The following FRMD3 variants were observed in gnomAD, a reference collection of about 807,000 sequenced individuals.
FRMD3 encodes the protein FERM domain-containing protein 3.
A neutral mutation model predicts 70.2 loss-of-function variants in FRMD3; 33 were observed. That is an observed-to-expected ratio of 0.47 (90% CI 0.36 to 0.63). The LOEUF (loss-of-function observed/expected upper bound fraction) is 0.63. Among genes scored for constraint, FRMD3 ranks in the 20% least tolerant of loss-of-function variants. The pLI, the probability that FRMD3 is intolerant of heterozygous loss-of-function variation, is 0.00. For synonymous variants in FRMD3, 279 were observed against 255.9 expected, an observed-to-expected ratio of 1.09 and a Z score of -0.86; for missense variants, 632 against 711.4, an observed-to-expected ratio of 0.89 and a Z score of 1.27.
chr9:83,264,811 G>T (rs1587644342), intron 13 of FRMD3, among the ~76,000 whole-genome samples: 1 of 151,234 alleles, frequency 6.6e-6, no homozygotes, highest in Non-Finnish European at 1.5e-5. Context: ...CAATTGTGGG[G>T]GGAGGGGGGA....
chr9:83,565,068 T>G, the FRMD3 span, among the ~76,000 whole-genome samples: 1 of 152,208 alleles, frequency 6.6e-6, no homozygotes, highest in South Asian at 2.1e-4. Flanking sequence ...ATGAAAACAC[T>G]GTGGGGACTC....
intron 10 of FRMD3, among the ~76,000 whole-genome samples, chr9:83,303,700 C>CT (rs1206736459): frequency 1.3e-5 from 2 of 152,206 alleles, no homozygotes; most frequent in African/African-American, 4.8e-5. Flanking sequence ...AAAATAACAG[C>CT]TTTGTCGAGA....
At chr9:83,476,758 T>C (rs1828408636) in intron 1 of FRMD3, among the ~76,000 whole-genome samples, 1 of 152,218 alleles carries the variant, frequency 6.6e-6, no homozygotes, top group African/African-American at 2.4e-5. Context: ...ATGGGTCTCC[T>C]GGGGCTTTCT....
intron 13 of FRMD3, among the ~76,000 whole-genome samples, chr9:83,254,342 A>T (rs530226244): frequency 2.7e-5 from 4 of 150,852 alleles, no homozygotes; most frequent in Non-Finnish European, 4.4e-5. Flanking sequence ...TTAATATTTT[A>T]AAAATATTTC....
downstream of FRMD3, among the ~76,000 whole-genome samples, chr9:83,244,470 T>TTAATC (rs901336780): frequency 8.6e-5 from 13 of 151,280 alleles, no homozygotes; most frequent in African/African-American, 2.9e-4. Context: ...CTGCAAAGGG[T>TTAATC]TAATCTAATC....
At chr9:83,325,232 G>C (rs1206072325) in intron 6 of FRMD3, among the ~76,000 whole-genome samples, 1 of 152,124 alleles carries the variant, frequency 6.6e-6, no homozygotes, top group African/African-American at 2.4e-5. Flanking sequence ...TCCAGTGATG[G>C]TTACGCTAAA....
chr9:83,244,579 CT>C, downstream of FRMD3: 1 of 677,100 alleles, frequency 1.5e-6, no homozygotes, highest in South Asian at 6.7e-5. Context: ...AACAACCTGA[CT>C]ATACAACTTT....
At chr9:83,395,350 G>A (rs994328200) in intron 1 of FRMD3, among the ~76,000 whole-genome samples, 3 of 150,286 alleles carry the variant, frequency 2.0e-5, no homozygotes, top group South Asian at 2.1e-4. Context: ...TTTATTTTAC[G>A]TTCATGGGTA....
rs185976096 is a variant in FRMD3 at position 83,299,943 on chromosome 9, A to T, written c.927-757T>A. 2.7e-3 allele frequency among the ~76,000 whole-genome samples: 413 copies of T among 152,384 alleles called. 2 individuals carry two copies. Among genetic ancestry groups the T allele is most frequent in the Non-Finnish European group, 4.4e-3 (301 of 68,044 alleles). ...GGGCACTAAATTACTGTGACAGCTGAGGATGGCTCTACAGCAGTCATGTTA... is the reference window on the plus strand; with the variant it reads ...GGGCACTAAATTACTGTGACAGCTGTGGATGGCTCTACAGCAGTCATGTTA... On this transcript the variant is annotated intron_variant, in intron 10 of 13. Coordinates refer to ENST00000304195, the MANE Select transcript of FRMD3 (RefSeq NM_174938.6).
At chr9:83,292,399 A>G (rs934819457) in intron 12 of FRMD3, among the ~76,000 whole-genome samples, 1 of 152,040 alleles carries the variant, frequency 6.6e-6, no homozygotes, top group South Asian at 2.1e-4. Context: ...TGACCTCATG[A>G]TCTGCCCATC....
chr9:83,357,780 T>C (rs1275451400), intron 3 of FRMD3, among the ~76,000 whole-genome samples: 1 of 152,208 alleles, frequency 6.6e-6, no homozygotes, highest in African/African-American at 2.4e-5. Flanking sequence ...TGCTTGTTTT[T>C]TTCTTGCTGA....
chr9:83,538,397 G>C lies in FRMD3; in HGVS notation c.-166C>G. ...GACACACATGCCCAGCGGCCGGGGC[G>C]CGGCGGGCGGGTCCCTCCCTCTGTT... On this transcript the variant is annotated 5_prime_UTR_variant, in exon 1 of 14. Coordinates refer to ENST00000304195, the MANE Select transcript of FRMD3 (RefSeq NM_174938.6). This position sits in a 1 kb window ranked among gnomAD's most constrained non-coding sequence, Gnocchi z 4.7. The C allele has an allele frequency of 2.0e-6, 1 of 488,676 alleles. No homozygotes were observed. Among genetic ancestry groups the C allele is most frequent in the Non-Finnish European group, 3.2e-6 (1 of 312,718 alleles). The allele number at this position is 488,676 out of a possible 1,614,324, so 30.3% of individuals were successfully genotyped here. A position where few individuals can be genotyped will look rare whatever the true frequency, so the allele number is the denominator to read the frequency against.
intron 2 of FRMD3, among the ~76,000 whole-genome samples, chr9:83,385,443 G>T (rs1825483624): frequency 6.6e-6 from 1 of 152,060 alleles, no homozygotes; most frequent in African/African-American, 2.4e-5. Flanking sequence ...CTGGGCCCTG[G>T]ACATCAAAAT....
intron 3 of FRMD3, among the ~76,000 whole-genome samples, chr9:83,369,416 A>C (rs913852864): frequency 5.3e-5 from 8 of 151,930 alleles, no homozygotes; most frequent in Non-Finnish European, 7.4e-5. Context: ...TCTCTACTAA[A>C]AATACAAAAA....
intron 13 of FRMD3, among the ~76,000 whole-genome samples, chr9:83,254,100 C>A (rs1490937958): frequency 6.7e-6 from 1 of 149,632 alleles, no homozygotes; most frequent in Admixed American, 6.7e-5. Flanking sequence ...GAACATCACA[C>A]ACTGGGGCCT....
Position 83,335,545 on chromosome 9 carries a change from T to A in FRMD3, c.567A>T (p.Lys189Asn). 6.2e-7 allele frequency: 1 copy of A among 1,613,242 alleles called. No homozygotes were observed. Among genetic ancestry groups the A allele is most frequent in the Non-Finnish European group, 8.5e-7 (1 of 1,179,404 alleles). The change falls in exon 6 of 14, where the codon AAA (lysine) becomes AAT (asparagine). Residue 189 changes from lysine (K) to asparagine (N), a missense_variant. Coordinates refer to ENST00000304195, the MANE Select transcript of FRMD3 (RefSeq NM_174938.6). ...FPKQSQKLER[K>N]IVEIHKNELR... is the part of the protein sequence containing the mutation. The stretch of plus-strand genomic sequence containing the variant: ...GTTCATTTTTATGAATTTCCACTAT[T>A]TTTCTTTCCAGCTTCTGTGACTGCT...
intron 4 of FRMD3, 60 bp from the exon 5 acceptor site, chr9:83,343,347 G>T: frequency 8.6e-7 from 1 of 1,164,176 alleles, no homozygotes; most frequent in South Asian, 1.2e-5. Flanking sequence ...GAAGAAGTAG[G>T]ATTGTTCATG....
At chr9:83,491,450 C>G (rs1005603329) in intron 1 of FRMD3, among the ~76,000 whole-genome samples, 2 of 152,208 alleles carry the variant, frequency 1.3e-5, no homozygotes, top group African/African-American at 4.8e-5. Context: ...CATACCTGAG[C>G]CTTGCTGTGC....
intron 13 of FRMD3, 42 bp from the exon 14 acceptor site, chr9:83,248,558 T>G (rs1401389428): frequency 6.6e-7 from 1 of 1,519,494 alleles, no homozygotes; most frequent in African/African-American, 1.4e-5. Context: ...AAATTTCAGA[T>G]TTTCCCACAA....
Sources: gnomAD v4.1 joint callset for allele counts (sites outside exome capture counted in the v4.1 genomes callset) on GRCh38, gnomAD v4.1.1 for gene constraint, Gnocchi (gnomAD v3.1) non-coding constraint, MANE v1.5 for transcripts, NCBI Gene and HGNC (gene_info 2026-07-23, HGNC 2026-07-21) for gene names.